Variants in PCBP3 observed in about 807,000 individuals in gnomAD.
The protein encoded by PCBP3 is poly(rC) binding protein 3.
Under a neutral mutation model 52.7 loss-of-function variants are expected in PCBP3, and 25 were observed. The ratio of observed to expected loss-of-function variants is 0.47; its 90% CI spans 0.35 to 0.66. The LOEUF is 0.66. Ranked by LOEUF, PCBP3 falls within the 30% of genes least tolerant of loss-of-function variation. The probability of loss-of-function intolerance (pLI) is 0.01; values close to 1 mark genes in which losing one functional copy is unlikely to be tolerated. For missense variants in PCBP3, 391 were observed against 490.3 expected, an observed-to-expected ratio of 0.80 and a Z score of 1.91; for synonymous variants, 162 against 183.0, an observed-to-expected ratio of 0.89 and a Z score of 0.93.
At chr21:45,776,739 G>A (rs777605043) in intron 4 of PCBP3, among the ~76,000 whole-genome samples, 18 of 151,616 alleles carry the variant, frequency 1.2e-4, no homozygotes, top group Admixed American at 3.9e-4. Context: ...CTTTAATTTC[G>A]GTTCATATGT....
At chr21:45,922,204 G>A (rs1844468119) in intron 13 of PCBP3, among the ~76,000 whole-genome samples, 1 of 152,146 alleles carries the variant, frequency 6.6e-6, no homozygotes, top group Non-Finnish European at 1.5e-5. Context: ...AATTACAGCG[G>A]GGAAGTTACA....
At chr21:45,930,118 C>A in intron 14 of PCBP3, 123 bp downstream of exon 14, 1 of 360,080 alleles carries the variant, frequency 2.8e-6, no homozygotes, top group Non-Finnish European at 5.0e-6. Context: ...GCCGGTGCTG[C>A]GGCGTTCACA....
At position 45,917,489 on chromosome 21, in the gene PCBP3, C is replaced by A; in HGVS notation, c.676-99C>A. On this transcript the variant is annotated intron_variant, in intron 12 of 17. Coordinates refer to ENST00000681687, the MANE Select transcript of PCBP3 (RefSeq NM_001384156.1). The surrounding 1 kb of genome is among the most constrained non-coding windows in gnomAD (Gnocchi z 5.3). ...GGTGGAGAGGCACACGAGGGGGAAG[C>A]TTCTACCGGAGGGTCCTTGTCATGC... 1 of 899,582 alleles carries A rather than the reference C, an allele frequency of 1.1e-6. No homozygotes were observed. Among genetic ancestry groups the A allele is most frequent in the Non-Finnish European group, 1.8e-6 (1 of 549,428 alleles). The allele number at this position is 899,582 out of a possible 1,614,324, so 55.7% of individuals were successfully genotyped here.
intron 4 of PCBP3, among the ~76,000 whole-genome samples, chr21:45,824,455 G>A (rs977507107): frequency 4.6e-5 from 7 of 152,320 alleles, no homozygotes; most frequent in African/African-American, 1.7e-4. Flanking sequence ...ATGGAAGGAG[G>A]GGGCAGACTG....
intron 9 of PCBP3, among the ~76,000 whole-genome samples, chr21:45,902,893 G>A (rs1405019764): frequency 6.6e-6 from 1 of 152,260 alleles, no homozygotes; most frequent in Non-Finnish European, 1.5e-5. Flanking sequence ...TTCTGCTGGA[G>A]TTGGCGATGG....
intron 4 of PCBP3, among the ~76,000 whole-genome samples, chr21:45,787,238 G>A (rs1339514826): frequency 6.6e-6 from 1 of 152,022 alleles, no homozygotes; most frequent in African/African-American, 2.4e-5. Context: ...GGATCTTGAC[G>A]TTTCATCTGA....
At chr21:45,862,274 T>A (rs1031593553) in intron 5 of PCBP3, among the ~76,000 whole-genome samples, 1 of 152,166 alleles carries the variant, frequency 6.6e-6, no homozygotes, top group Non-Finnish European at 1.5e-5. Context: ...GAATTGTCAG[T>A]CACTGCAGAT....
chr21:45,663,014 C>T (rs2080516365), intron 1 of PCBP3, among the ~76,000 whole-genome samples: 1 of 152,208 alleles, frequency 6.6e-6, no homozygotes, highest in African/African-American at 2.4e-5. Context: ...TTAACCGTCT[C>T]CCTGTGATAC....
intron 4 of PCBP3, among the ~76,000 whole-genome samples, chr21:45,826,723 A>C (rs1004543478): frequency 2.6e-5 from 4 of 152,224 alleles, no homozygotes; most frequent in Non-Finnish European, 5.9e-5. Context: ...CAGATGGGGC[A>C]CTGGACAAGT....
At chr21:45,820,927 G>A (rs1441194957) in intron 4 of PCBP3, among the ~76,000 whole-genome samples, 1 of 152,126 alleles carries the variant, frequency 6.6e-6, no homozygotes, top group Admixed American at 6.5e-5. Context: ...GCCTCGAGAG[G>A]ACAGAGCCTC....
chr21:45,814,641 A>AGTGAGTG lies in PCBP3; in HGVS notation c.-125-35312_-125-35306dup, dbSNP rs1324950755. Among the ~76,000 whole-genome samples, 301 of 34,206 alleles carry AGTGAGTG rather than the reference A, an allele frequency of 8.8e-3. 9 individuals are homozygous for AGTGAGTG. The highest frequency in any genetic ancestry group is 0.033 in the African/African-American group (278 of 8,420). 22.4% of individuals were successfully genotyped at this position (34,206 alleles called of 152,430 possible). A position where few individuals can be genotyped will look rare whatever the true frequency, so the allele number is the denominator to read the frequency against. ...GGTGAGTGATGAGTGGTGAGTGGTGAGTGAGTGGTGAGTGAGTGGTGAGTG... is the reference window on the plus strand; with the variant it reads ...GGTGAGTGATGAGTGGTGAGTGGTGAGTGAGTGGTGAGTGGTGAGTGAGTGGTGAGTG... On this transcript the variant is annotated intron_variant, in intron 4 of 17. Transcript: ENST00000681687.
At chr21:45,936,526 T>C (rs1017260402) in intron 16 of PCBP3, among the ~76,000 whole-genome samples, 3 of 152,170 alleles carry the variant, frequency 2.0e-5, no homozygotes, top group Non-Finnish European at 4.4e-5. Flanking sequence ...TCCCCAGGTG[T>C]GGGGTGGCAC....
Position 45,930,805 on chromosome 21 carries a change from C to A in PCBP3, c.816C>A (p.His272Gln). Reference sequence around the variant, plus strand: ...CTCCAGGAGAAAAGCTGCCTTTACACTCCTCCGAAGAAGCTCAAAATCTGA... The same window carrying A: ...CTCCAGGAGAAAAGCTGCCTTTACAATCCTCCGAAGAAGCTCAAAATCTGA... ...PAFPGEKLPLHSSEEAQNLMG... is the reference protein window; with the variant it reads ...PAFPGEKLPLQSSEEAQNLMG... The change falls in exon 15 of 18, where the codon CAC (histidine) becomes CAA (glutamine). Residue 272 changes from histidine (H) to glutamine (Q), a missense_variant. By Grantham distance (24) the His-to-Gln change is conservative. Transcript: ENST00000681687. 1 of 1,491,042 alleles carries A rather than the reference C, an allele frequency of 6.7e-7. No individual in the cohort carries two copies. Among genetic ancestry groups the A allele is most frequent in the Non-Finnish European group, 9.4e-7 (1 of 1,067,784 alleles). 92.4% of individuals were successfully genotyped at this position (1,491,042 alleles called of 1,614,324 possible). A position where few individuals can be genotyped will look rare whatever the true frequency, so the allele number is the denominator to read the frequency against.
intron 4 of PCBP3, among the ~76,000 whole-genome samples, chr21:45,835,035 G>A (rs1244780523): frequency 2.0e-5 from 3 of 152,224 alleles, no homozygotes; most frequent in African/African-American, 4.8e-5. Flanking sequence ...GTTCGCGAAC[G>A]CCGCAGCAGC....
intron 4 of PCBP3, among the ~76,000 whole-genome samples, chr21:45,793,072 A>G (rs746208025): frequency 1.3e-5 from 2 of 152,220 alleles, no homozygotes; most frequent in Non-Finnish European, 2.9e-5. Flanking sequence ...CAAGCTGGGA[A>G]CCACAGCACG....
chr21:45,743,755 T>C (rs2146108166), intron 3 of PCBP3, among the ~76,000 whole-genome samples: 2 of 152,316 alleles, frequency 1.3e-5, no homozygotes, highest in South Asian at 2.1e-4. Flanking sequence ...GTGATAGTGC[T>C]CTATAAGGTT....
chr21:45,769,203 CTG>C (rs1233984973), intron 4 of PCBP3, among the ~76,000 whole-genome samples: 1 of 152,250 alleles, frequency 6.6e-6, no homozygotes, highest in East Asian at 1.9e-4. Flanking sequence ...CCACAAGACA[CTG>C]TGGGTGGCAT....
At chr21:45,868,057 C>G (rs1439466759) in intron 5 of PCBP3, among the ~76,000 whole-genome samples, 2 of 152,290 alleles carry the variant, frequency 1.3e-5, no homozygotes. Flanking sequence ...CGCAGTGGGC[C>G]CGTCCGGAAT....
At chr21:45,804,309 T>C (rs1372513439) in intron 4 of PCBP3, among the ~76,000 whole-genome samples, 1 of 152,220 alleles carries the variant, frequency 6.6e-6, no homozygotes, top group Non-Finnish European at 1.5e-5. Context: ...TGGTAACTTA[T>C]TATTAATAAA....
Sources: allele counts gnomAD v4.1 joint callset (sites outside exome capture counted in the v4.1 genomes callset), GRCh38; gene constraint gnomAD v4.1.1; non-coding constraint Gnocchi (gnomAD v3.1); transcripts MANE v1.5; gene names NCBI Gene and HGNC (gene_info 2026-07-23, HGNC 2026-07-21).